The following SLC30A7 variants were observed in gnomAD, a reference collection of about 807,000 sequenced individuals.
The protein encoded by SLC30A7 is solute carrier family 30 member 7, also known as zinc transporter 7.
A neutral mutation model predicts 46.0 loss-of-function variants in SLC30A7; 35 were observed. The observed-to-expected ratio is 0.76, with a 90% CI of 0.58 to 1.01. The LOEUF (loss-of-function observed/expected upper bound fraction) is 1.01, where lower values mean the gene tolerates loss of function less well. Among genes scored for constraint, SLC30A7 ranks in the 50% least tolerant of loss-of-function variants. SLC30A7 has a pLI of 0.00. For missense variants in SLC30A7, 464 were observed against 451.1 expected (o/e 1.03, Z -0.26); for synonymous variants, 147 against 157.8 (o/e 0.93, Z 0.51).
chr1:100,903,937 T>C (rs2101005190), intron 2 of SLC30A7, among the ~76,000 whole-genome samples: 1 of 152,300 alleles, frequency 6.6e-6, no homozygotes, highest in Non-Finnish European at 1.5e-5. Flanking sequence ...CCAGGTATTA[T>C]AAGCATTAAT....
chr1:100,990,406 GT>G, the SLC30A7 span: 1 of 1,612,468 alleles, frequency 6.2e-7, no homozygotes, highest in Non-Finnish European at 8.5e-7. Context: ...AAATATCTAT[GT>G]TCAAAGTCCA....
At chr1:100,953,234 T>C (rs1430606380) in intron 8 of SLC30A7, among the ~76,000 whole-genome samples, 1 of 152,178 alleles carries the variant, frequency 6.6e-6, no homozygotes, top group Non-Finnish European at 1.5e-5. Flanking sequence ...AACCTCTTCT[T>C]TTCATAAATT....
Position 100,980,371 on chromosome 1 carries a change from C to T in SLC30A7, c.*5514C>T, listed in dbSNP as rs1313742453. The T allele has an allele frequency of 2.6e-5, 4 of 152,086 alleles. No individual in the cohort carries two copies. Among genetic ancestry groups the T allele is most frequent in the Non-Finnish European group, 4.4e-5 (3 of 67,950 alleles). The allele number at this position is 152,086 out of a possible 1,614,324, so 9.4% of individuals were successfully genotyped here. Reference sequence around the variant, plus strand: ...AGTAGTAATCTATGCTTAAACTTAACATTTAATGTTGACTTCTTACAACAG... The same window carrying T: ...AGTAGTAATCTATGCTTAAACTTAATATTTAATGTTGACTTCTTACAACAG... On this transcript the variant is annotated 3_prime_UTR_variant, in exon 11 of 11. Coordinates refer to ENST00000357650, the MANE Select transcript of SLC30A7 (RefSeq NM_133496.5).
rs997486751 is a variant in SLC30A7 at position 100,912,254 on chromosome 1, C to T, written c.511+16C>T. 1.2e-6 allele frequency: 2 copies of T among 1,603,758 alleles called. No homozygotes were observed. Among genetic ancestry groups the T allele is most frequent in the South Asian group, 1.1e-5 (1 of 88,778 alleles). On this transcript the variant is annotated intron_variant, in intron 5 of 10. Coordinates refer to ENST00000357650, the MANE Select transcript of SLC30A7 (RefSeq NM_133496.5). ...CATGGCTCTGGTATGATGGTTAGGA[C>T]ACTTTGTTTCTTCATTTTCTACTAG... is the stretch of plus-strand genomic sequence containing the variant.
chr1:100,896,357 GT>G lies in SLC30A7; in HGVS notation c.80+18del, dbSNP rs754525949. ...GGCTGGTTTAGGTGCGGGGTGCTGT[GT>G]TTGCGGGGAGGGGGTGTCCGGCAGA... On this transcript the variant is annotated intron_variant, in intron 1 of 10. Transcript: ENST00000357650. 2 of 1,614,008 alleles carry G rather than the reference GT, an allele frequency of 1.2e-6. No homozygotes were observed. The highest frequency in any genetic ancestry group is 1.7e-6 in the Non-Finnish European group (2 of 1,179,882).
At chr1:100,944,542 C>A (rs1387971733) in intron 8 of SLC30A7, among the ~76,000 whole-genome samples, 1 of 151,952 alleles carries the variant, frequency 6.6e-6, no homozygotes, top group Non-Finnish European at 1.5e-5. Context: ...TTCTAGGGTA[C>A]ATGTGCACAA....
intron 2 of SLC30A7, among the ~76,000 whole-genome samples, chr1:100,898,670 T>C (rs1651121793): frequency 1.3e-5 from 2 of 152,216 alleles, no homozygotes; most frequent in Admixed American, 1.3e-4. Flanking sequence ...TCTCTGGCCT[T>C]TTAATAATCT....
chr1:100,942,205 C>T, intron 8 of SLC30A7, among the ~76,000 whole-genome samples: 1 of 152,182 alleles, frequency 6.6e-6, no homozygotes, highest in Non-Finnish European at 1.5e-5. Context: ...AAAATAGGTA[C>T]TCTCATACTT....
intron 8 of SLC30A7, among the ~76,000 whole-genome samples, chr1:100,933,962 T>C (rs906825757): frequency 1.3e-5 from 2 of 152,234 alleles, no homozygotes; most frequent in East Asian, 1.9e-4. Context: ...TGTCAAGTTA[T>C]TGTTTTCATA....
At chr1:100,962,552 G>C (rs1655607518) in intron 9 of SLC30A7, among the ~76,000 whole-genome samples, 1 of 152,138 alleles carries the variant, frequency 6.6e-6, no homozygotes, top group African/African-American at 2.4e-5. Flanking sequence ...TTGAAGAACA[G>C]AATAAAAAAG....
At chr1:100,933,029 G>A (rs533470613) in intron 8 of SLC30A7, among the ~76,000 whole-genome samples, 1 of 148,036 alleles carries the variant, frequency 6.8e-6, no homozygotes, top group East Asian at 2.0e-4. Flanking sequence ...AGGCTAGAGT[G>A]CTGTGGCGCA....
intron 8 of SLC30A7, among the ~76,000 whole-genome samples, chr1:100,948,734 G>GTTACTTT (rs1325261020): frequency 2.0e-5 from 3 of 151,928 alleles, no homozygotes; most frequent in African/African-American, 7.2e-5. Context: ...TGGAGGCTTT[G>GTTACTTT]TTACTTTTTA....
intron 8 of SLC30A7, among the ~76,000 whole-genome samples, chr1:100,937,190 T>C (rs1347704572): frequency 1.3e-5 from 2 of 152,196 alleles, no homozygotes; most frequent in Non-Finnish European, 2.9e-5. Context: ...AGACATACTA[T>C]GTACCCATGT....
intron 8 of SLC30A7, among the ~76,000 whole-genome samples, chr1:100,939,680 A>G (rs1241882381): frequency 6.6e-6 from 1 of 151,446 alleles, no homozygotes; most frequent in Non-Finnish European, 1.5e-5. Context: ...ACTTAAAAAA[A>G]AAAAAAAAAA....
intron 8 of SLC30A7, among the ~76,000 whole-genome samples, chr1:100,929,034 G>T (rs1182106443): frequency 2.0e-5 from 3 of 152,028 alleles, no homozygotes; most frequent in East Asian, 1.9e-4. Flanking sequence ...CTTGTAAAAG[G>T]TCTGTGTCTA....
the SLC30A7 span, chr1:100,990,438 GC>G: frequency 6.2e-7 from 1 of 1,613,980 alleles, no homozygotes; most frequent in East Asian, 2.2e-5. Flanking sequence ...GAGATTCTGA[GC>G]TATTTTCTGG....
At chr1:100,913,127 C>G (rs1557979512) in intron 5 of SLC30A7, among the ~76,000 whole-genome samples, 8 of 152,090 alleles carry the variant, frequency 5.3e-5, no homozygotes, top group Admixed American at 5.2e-4. Context: ...ATTCTGCATT[C>G]TTTTGCATTT....
At chr1:100,924,626 T>G (rs1653167238) in intron 8 of SLC30A7, among the ~76,000 whole-genome samples, 1 of 151,802 alleles carries the variant, frequency 6.6e-6, no homozygotes, top group Non-Finnish European at 1.5e-5. Context: ...GGGCAAATTG[T>G]TTTTTCATTG....
intron 8 of SLC30A7, among the ~76,000 whole-genome samples, chr1:100,950,031 C>A (rs1191075277): frequency 6.6e-6 from 1 of 152,202 alleles, no homozygotes; most frequent in Non-Finnish European, 1.5e-5. Context: ...CACTGTCCAA[C>A]CAGGCCCTGT....
Sources: gnomAD v4.1 joint callset for allele counts (sites outside exome capture counted in the v4.1 genomes callset) on GRCh38, gnomAD v4.1.1 for gene constraint, MANE v1.5 for transcripts, NCBI Gene and HGNC (gene_info 2026-07-23, HGNC 2026-07-21) for gene names.